PCDHA11: variants seen among roughly 807,000 people sequenced by gnomAD.
PCDHA11 encodes protocadherin alpha-11.
A neutral mutation model predicts 70.3 loss-of-function variants in PCDHA11; 61 were observed. The observed-to-expected ratio is 0.87, with a 90% confidence interval of 0.71 to 1.07. The LOEUF (loss-of-function observed/expected upper bound fraction) is 1.07. Among genes scored for constraint, PCDHA11 ranks in the 50% least tolerant of loss-of-function variants. The pLI is 0.00. For missense variants in PCDHA11, 1,324 were observed against 1,237.5 expected (o/e 1.07, Z -1.05); for synonymous variants, 633 against 555.1 (o/e 1.14, Z -1.97).
chr5:140,914,772 C>T lies in PCDHA11; in HGVS notation c.2391+43278C>T, dbSNP rs143748722. On this transcript the variant is annotated intron_variant, in intron 1 of 3. Transcript: ENST00000398640. ...ATTTGAGGTTACATGAGGTTTATGA[C>T]TTATCTTATGACCCATTATTTTAAA... Among the ~76,000 whole-genome samples, 1,217 of 151,940 alleles carry T rather than the reference C, an allele frequency of 8.0e-3. 6 individuals are homozygous for T. The highest frequency in any genetic ancestry group is 0.019 in the African/African-American group (786 of 41,464).
intron 1 of PCDHA11, among the ~76,000 whole-genome samples, chr5:140,905,749 C>T (rs1442006265): frequency 6.6e-6 from 1 of 152,162 alleles, no homozygotes; most frequent in Non-Finnish European, 1.5e-5. Flanking sequence ...AGATCTTTCA[C>T]CTCCTTGGTT....
chr5:140,916,602 C>T (rs1554197542), intron 1 of PCDHA11, among the ~76,000 whole-genome samples: 2 of 152,240 alleles, frequency 1.3e-5, no homozygotes, highest in African/African-American at 2.4e-5. Context: ...GCCTGGAATG[C>T]GGGCCTCATG....
Position 140,873,721 on chromosome 5 carries a change from C to T in PCDHA11, c.2391+2227C>T, listed in dbSNP as rs556752313. On this transcript the variant is annotated intron_variant, in intron 1 of 3. Coordinates refer to ENST00000398640, the MANE Select transcript of PCDHA11 (RefSeq NM_018902.5). ...TATCACCCAGGCTGGTGTGCAGTGG[C>T]GCAATCTCAGCTCACTGCAATCTCC... Among the ~76,000 whole-genome samples, 8 of 152,254 alleles carry T rather than the reference C, an allele frequency of 5.3e-5. No individual in the cohort carries two copies. In the South Asian group the frequency reaches 1.0e-3, roughly 20 times the overall value.
At chr5:140,987,995 C>T (rs1554249784) in intron 3 of PCDHA11, among the ~76,000 whole-genome samples, 3 of 152,178 alleles carry the variant, frequency 2.0e-5, no homozygotes, top group African/African-American at 7.2e-5. Flanking sequence ...CATCTCTGAT[C>T]CTTCCCCAGA....
intron 1 of PCDHA11, among the ~76,000 whole-genome samples, chr5:140,921,218 T>G (rs1554200138): frequency 6.6e-6 from 1 of 152,126 alleles, no homozygotes; most frequent in African/African-American, 2.4e-5. Context: ...TTCACGTCTT[T>G]TTTGCTAGAT....
chr5:140,873,656 A>G (rs1364222797), intron 1 of PCDHA11, among the ~76,000 whole-genome samples: 2 of 152,120 alleles, frequency 1.3e-5, no homozygotes, highest in Non-Finnish European at 2.9e-5. Flanking sequence ...TACATAACAC[A>G]CTATTATTAT....
intron 3 of PCDHA11, 47 bp from the exon 4 acceptor site, chr5:141,009,580 G>T: frequency 1.3e-6 from 2 of 1,588,168 alleles, no homozygotes; most frequent in South Asian, 2.3e-5. Context: ...GTGGCATCAA[G>T]AGCATGTGTT....
rs939986849 is a variant in PCDHA11, at chr5:140,871,330, G to T, written c.2227G>T (p.Ala743Ser). 10 of 1,613,998 alleles carry T rather than the reference G, an allele frequency of 6.2e-6. No homozygotes were observed. Among genetic ancestry groups the T allele is most frequent in the Non-Finnish European group, 8.5e-6 (10 of 1,180,034 alleles). Residue 743 changes from alanine (A) to serine (S), a missense_variant, in exon 1 of 4, where the codon GCG becomes TCG. Transcript: ENST00000398640. ...PGKPTLVCSR[A>S]VGSWSYSQQR... The stretch of plus-strand genomic sequence containing the variant: ...GAAGCCCACGCTGGTGTGCTCCCGC[G>T]CGGTGGGGAGCTGGTCATACTCGCA...
At chr5:140,970,650 ATTG>A (rs2096422935) in intron 1 of PCDHA11, among the ~76,000 whole-genome samples, 1 of 152,200 alleles carries the variant, frequency 6.6e-6, no homozygotes, top group South Asian at 2.1e-4. Flanking sequence ...ATAGTGATGA[ATTG>A]TTATCTTTCC....
At chr5:140,970,585 T>G (rs1554232585) in intron 1 of PCDHA11, among the ~76,000 whole-genome samples, 2 of 152,244 alleles carry the variant, frequency 1.3e-5, no homozygotes, top group Non-Finnish European at 2.9e-5. Context: ...ATAACAGAGA[T>G]ATGCTTTGTG....
chr5:140,877,815 A>T (rs782076422), intron 1 of PCDHA11: 21 of 1,609,380 alleles, frequency 1.3e-5, no homozygotes, highest in Non-Finnish European at 1.7e-5. Context: ...TGTCTCGAGA[A>T]GATTGTTTAA....
chr5:140,941,207 C>CTTCCTTTCTTTCTT (rs1563185091), intron 1 of PCDHA11, among the ~76,000 whole-genome samples: 2 of 103,272 alleles, frequency 1.9e-5, no homozygotes, highest in African/African-American at 1.2e-4. Flanking sequence ...TTCTTCCTTT[C>CTTCCTTTCTTTCTT]TTTCTTCCTT....
chr5:141,000,393 CTCTATATA>C (rs1486021873), intron 3 of PCDHA11, among the ~76,000 whole-genome samples: 100 of 52,828 alleles, frequency 1.9e-3, no homozygotes, highest in Middle Eastern at 0.012. Context: ...CTCTCTCTCT[CTCTATATA>C]TATATATATA....
chr5:140,981,862 T>C (rs1160188291), intron 2 of PCDHA11, among the ~76,000 whole-genome samples: 1 of 152,212 alleles, frequency 6.6e-6, no homozygotes, highest in African/African-American at 2.4e-5. Flanking sequence ...CTCCCAGCAA[T>C]GTTTTATGCT....
chr5:140,981,264 C>T (rs2096925155), intron 2 of PCDHA11, among the ~76,000 whole-genome samples: 1 of 152,128 alleles, frequency 6.6e-6, no homozygotes, highest in Non-Finnish European at 1.5e-5. Flanking sequence ...TCAAGATAAG[C>T]AAATGTCTAG....
chr5:140,871,132 G>A lies in PCDHA11; in HGVS notation c.2029G>A (p.Ala677Thr). 1 of 1,613,372 alleles carries A rather than the reference G, an allele frequency of 6.2e-7. No homozygotes were observed. Among genetic ancestry groups the A allele is most frequent in the South Asian group, 1.1e-5 (1 of 91,080 alleles). ...SLVESGQAPK[A>T]SSRTLAGAAS... ...GGTGGAGAGCGGACAGGCGCCAAAG[G>A]CCTCTTCCCGGACTTTGGCGGGCGC... The change falls in exon 1 of 4, where the codon GCC becomes ACC. Residue 677 changes from alanine (A) to threonine (T), a missense_variant. By Grantham distance (58) the Ala-to-Thr change is moderately conservative. Coordinates refer to ENST00000398640, the MANE Select transcript of PCDHA11 (RefSeq NM_018902.5).
intron 1 of PCDHA11, among the ~76,000 whole-genome samples, chr5:140,953,945 C>T (rs189219030): frequency 8.5e-5 from 13 of 152,154 alleles, no homozygotes; most frequent in African/African-American, 3.1e-4. Flanking sequence ...TCCCATTGCT[C>T]CCCCAACAGG....
chr5:140,900,127 T>A (rs528737566), intron 1 of PCDHA11, among the ~76,000 whole-genome samples: 2 of 152,328 alleles, frequency 1.3e-5, no homozygotes, highest in East Asian at 3.9e-4. Flanking sequence ...GATTTTTAGG[T>A]ACCACAAATA....
chr5:140,947,131 G>A (rs994081159), intron 1 of PCDHA11, among the ~76,000 whole-genome samples: 10 of 151,080 alleles, frequency 6.6e-5, no homozygotes, highest in African/African-American at 2.2e-4. Context: ...AATAAAAATA[G>A]TAAAATGTAT....
Sources: gnomAD v4.1 joint callset for allele counts (sites outside exome capture counted in the v4.1 genomes callset) on GRCh38, gnomAD v4.1.1 for gene constraint, MANE v1.5 for transcripts, NCBI Gene and HGNC (gene_info 2026-07-23, HGNC 2026-07-21) for gene names.